POMK: variants seen among roughly 807,000 people sequenced by gnomAD.
POMK encodes protein O-mannose kinase.
POMK carries 19 observed loss-of-function variants against 23.0 expected under a neutral mutation model. The ratio of observed to expected loss-of-function variants is 0.83; its 90% confidence interval spans 0.58 to 1.21. POMK has a LOEUF of 1.21. POMK is among the 50% of genes most tolerant of loss of function. The pLI is 0.00. For synonymous variants in POMK, 173 were observed against 171.6 expected (o/e 1.01, Z -0.06); for missense variants, 410 against 431.3 (o/e 0.95, Z 0.44).
intron 4 of POMK, among the ~76,000 whole-genome samples, chr8:43,113,992 C>T (rs1196100417): frequency 9.9e-5 from 15 of 152,160 alleles, no homozygotes; most frequent in South Asian, 2.1e-4. Context: ...GAGGAGTACC[C>T]GGCCCCGTGA....
At chr8:43,093,888 C>G (rs1266988708) in intron 1 of POMK, among the ~76,000 whole-genome samples, 1 of 152,226 alleles carries the variant, frequency 6.6e-6, no homozygotes, top group Non-Finnish European at 1.5e-5. Context: ...CGAGAGCAGC[C>G]TGGGCAACAT....
chr8:43,111,795 A>G (rs888246404), intron 4 of POMK, among the ~76,000 whole-genome samples: 5 of 152,218 alleles, frequency 3.3e-5, no homozygotes, highest in African/African-American at 9.6e-5. Flanking sequence ...CCCGCTGCTG[A>G]TACCCAGGCA....
intron 4 of POMK, among the ~76,000 whole-genome samples, chr8:43,115,265 T>C (rs1217610733): frequency 6.6e-6 from 1 of 152,178 alleles, no homozygotes; most frequent in Admixed American, 6.5e-5. Context: ...TCTCGTCTTC[T>C]GTGCTTGTAC....
intron 4 of POMK, among the ~76,000 whole-genome samples, chr8:43,119,156 C>G (rs1811859871): frequency 6.6e-6 from 1 of 152,052 alleles, no homozygotes. Context: ...CAAAAGCCAG[C>G]ATCGTTTTTA....
At chr8:43,121,512 A>G (rs1274559681) in intron 4 of POMK, among the ~76,000 whole-genome samples, 1 of 152,250 alleles carries the variant, frequency 6.6e-6, no homozygotes, top group Non-Finnish European at 1.5e-5. Flanking sequence ...TTCCTTACAT[A>G]TAAATGTTCC....
At chr8:43,112,798 C>A (rs1811704254) in intron 4 of POMK, among the ~76,000 whole-genome samples, 1 of 152,250 alleles carries the variant, frequency 6.6e-6, no homozygotes, top group Admixed American at 6.5e-5. Context: ...CCCAGAATTT[C>A]ATATCCAGCC....
At chr8:43,120,574 G>T (rs144551805) in intron 4 of POMK, among the ~76,000 whole-genome samples, 3 of 151,462 alleles carry the variant, frequency 2.0e-5, no homozygotes, top group Non-Finnish European at 4.4e-5. Flanking sequence ...TTTGGTGACC[G>T]CATGATATAT....
chr8:43,118,333 T>C (rs980620478), intron 4 of POMK, among the ~76,000 whole-genome samples: 2 of 152,186 alleles, frequency 1.3e-5, no homozygotes, highest in South Asian at 4.1e-4. Flanking sequence ...GCCATTAGTA[T>C]AACAGCAAAC....
intron 3 of POMK, 51 bp from the exon 4 acceptor site, chr8:43,103,477 A>T: frequency 6.4e-7 from 1 of 1,562,904 alleles, no homozygotes; most frequent in Admixed American, 1.8e-5. Flanking sequence ...TTGGAAATGA[A>T]AGGAAGTGAA....
intron 4 of POMK, among the ~76,000 whole-genome samples, chr8:43,120,500 T>C (rs1811890834): frequency 6.6e-6 from 1 of 151,898 alleles, no homozygotes; most frequent in Non-Finnish European, 1.5e-5. Context: ...GGATTATAGG[T>C]ATGAGCCACC....
intron 4 of POMK, among the ~76,000 whole-genome samples, chr8:43,114,017 C>T (rs926039394): frequency 3.9e-5 from 6 of 152,204 alleles, no homozygotes; most frequent in Admixed American, 3.9e-4. Flanking sequence ...TCAGTCTGCC[C>T]CTACTGGGGG....
At position 43,103,545 on chromosome 8, in the gene POMK, C is replaced by CA; in HGVS notation, c.-2dup. 1 of 1,613,816 alleles carries CA rather than the reference C, an allele frequency of 6.2e-7. No homozygotes were observed. The highest frequency in any genetic ancestry group is 8.5e-7 in the Non-Finnish European group (1 of 1,179,734). The stretch of plus-strand genomic sequence containing the variant: ...TATTTTAGGAAATTGCAGAGGCCGT[C>CA]AACATGGAAAAGCAGCCCCAGAACA... On this transcript the variant is annotated 5_prime_UTR_variant, in exon 4 of 5. Transcript: ENST00000331373.
intron 4 of POMK, among the ~76,000 whole-genome samples, chr8:43,112,105 G>T (rs1213662350): frequency 6.6e-6 from 1 of 152,102 alleles, no homozygotes; most frequent in Non-Finnish European, 1.5e-5. Context: ...GGCTTCAGAT[G>T]ATCAAACTAC....
intron 2 of POMK, among the ~76,000 whole-genome samples, chr8:43,100,180 G>T (rs532725605): frequency 9.9e-5 from 15 of 152,250 alleles, no homozygotes; most frequent in African/African-American, 3.1e-4. Flanking sequence ...TATGGGAATG[G>T]GTGGTGGAGC....
intron 4 of POMK, among the ~76,000 whole-genome samples, chr8:43,118,653 G>T (rs1811849937): frequency 6.6e-6 from 1 of 152,138 alleles, no homozygotes; most frequent in African/African-American, 2.4e-5. Flanking sequence ...TTTTTATATT[G>T]GAGGATTCAA....
intron 2 of POMK, among the ~76,000 whole-genome samples, chr8:43,100,509 C>CTG (rs897987464): frequency 4.0e-5 from 6 of 150,656 alleles, no homozygotes; most frequent in African/African-American, 2.4e-5. Context: ...GGTGTTAGTG[C>CTG]TGTGTGTGTG....
rs1370599979 is a variant in POMK, at chr8:43,122,996, C to A, written c.*119C>A. On this transcript the variant is annotated 3_prime_UTR_variant, in exon 5 of 5. Transcript: ENST00000331373. ...TTTTATTGTTTTTTTTATGGCTTAG[C>A]CATGTGGTTCGTTGTCCACATCCAC... is the stretch of plus-strand genomic sequence containing the variant. The A allele has an allele frequency of 4.6e-6, 4 of 875,328 alleles. No individual in the cohort carries two copies. The highest frequency in any genetic ancestry group is 6.9e-6 in the Non-Finnish European group (4 of 575,682). 54.2% of individuals were successfully genotyped at this position (875,328 alleles called of 1,614,324 possible).
intron 4 of POMK, among the ~76,000 whole-genome samples, chr8:43,118,006 A>G (rs1009400974): frequency 1.3e-5 from 2 of 152,250 alleles, no homozygotes; most frequent in Admixed American, 6.5e-5. Flanking sequence ...GTCTTTAGAA[A>G]TAGATCATAT....
intron 1 of POMK, among the ~76,000 whole-genome samples, chr8:43,094,118 G>A (rs747093979): frequency 1.3e-5 from 2 of 152,196 alleles, no homozygotes; most frequent in Non-Finnish European, 2.9e-5. Context: ...ATTTGAGACG[G>A]AGTCTCGCTC....
Sources: allele counts gnomAD v4.1 joint callset (sites outside exome capture counted in the v4.1 genomes callset), GRCh38; gene constraint gnomAD v4.1.1; transcripts MANE v1.5; gene names NCBI Gene and HGNC (gene_info 2026-07-23, HGNC 2026-07-21).